Variants in PDGFC observed in about 807,000 individuals in gnomAD.
PDGFC encodes platelet derived growth factor C.
Under a neutral mutation model 35.5 loss-of-function variants are expected in PDGFC, and 12 were observed. The observed-to-expected ratio is 0.34, with a 90% CI of 0.22 to 0.55. PDGFC has a LOEUF of 0.55. PDGFC is among the 20% of genes least tolerant of loss of function. The pLI, the probability that PDGFC is intolerant of heterozygous loss-of-function variation, is 0.91. For missense variants in PDGFC, 322 were observed against 412.4 expected (o/e 0.78, Z 1.90); for synonymous variants, 159 against 148.8 (o/e 1.07, Z -0.50).
intron 3 of PDGFC, among the ~76,000 whole-genome samples, chr4:156,792,402 T>G (rs1358651488): frequency 6.7e-6 from 1 of 149,448 alleles, no homozygotes; most frequent in Non-Finnish European, 1.5e-5. Context: ...AATGTAAAAG[T>G]CACATTCCAC....
rs969225634 is a variant in PDGFC at position 156,901,732 on chromosome 4, C to T, written c.119-51316G>A. Among the ~76,000 whole-genome samples, 7 of 152,202 alleles carry T rather than the reference C, an allele frequency of 4.6e-5. No homozygotes were observed. The East Asian group carries it at 9.7e-4, about 21-fold the overall frequency. Reference sequence around the variant, plus strand: ...CCGCCTCCTGGGGTCAGGTGATTCTCGTGCCTCGGCCTCCTGAGGAGCTCG... The same window carrying T: ...CCGCCTCCTGGGGTCAGGTGATTCTTGTGCCTCGGCCTCCTGAGGAGCTCG... On this transcript the variant is annotated intron_variant, in intron 1 of 5. Transcript: ENST00000502773.
At chr4:156,773,478 G>A (rs1361675162) in intron 3 of PDGFC, among the ~76,000 whole-genome samples, 6 of 152,076 alleles carry the variant, frequency 3.9e-5, no homozygotes, top group South Asian at 2.1e-4. Context: ...TTAAGAGATC[G>A]GAGGGACACT....
At chr4:156,869,854 T>C (rs1361694204) in intron 1 of PDGFC, among the ~76,000 whole-genome samples, 3 of 152,142 alleles carry the variant, frequency 2.0e-5, no homozygotes. Flanking sequence ...ATGGTTTTTG[T>C]CACACACACA....
intron 1 of PDGFC, among the ~76,000 whole-genome samples, chr4:156,921,872 C>T (rs1409400371): frequency 6.6e-6 from 1 of 152,098 alleles, no homozygotes; most frequent in East Asian, 1.9e-4. Flanking sequence ...CAGCTATTCC[C>T]ACACTTCTCA....
At chr4:156,881,603 A>T (rs1389917736) in intron 1 of PDGFC, among the ~76,000 whole-genome samples, 1 of 152,100 alleles carries the variant, frequency 6.6e-6, no homozygotes, top group Non-Finnish European at 1.5e-5. Context: ...AGGCTGAGGC[A>T]GTGGATCGCC....
chr4:156,962,602 T>G (rs1196495743), intron 1 of PDGFC, among the ~76,000 whole-genome samples: 4 of 152,178 alleles, frequency 2.6e-5, no homozygotes, highest in Non-Finnish European at 5.9e-5. Flanking sequence ...CAGATGCTCA[T>G]ACATATTTGC....
chr4:156,922,456 C>T (rs755267118), intron 1 of PDGFC, among the ~76,000 whole-genome samples: 28 of 152,170 alleles, frequency 1.8e-4, no homozygotes, highest in Non-Finnish European at 3.4e-4. Context: ...TAGAAAGTAG[C>T]ATACAATTAA....
At chr4:156,930,618 G>A (rs1206901745) in intron 1 of PDGFC, among the ~76,000 whole-genome samples, 3 of 152,058 alleles carry the variant, frequency 2.0e-5, no homozygotes, top group Admixed American at 6.5e-5. Context: ...CTGTAATCCC[G>A]GCACTTTGGG....
At chr4:156,839,109 G>T (rs1242209241) in intron 2 of PDGFC, among the ~76,000 whole-genome samples, 1 of 152,194 alleles carries the variant, frequency 6.6e-6, no homozygotes. Flanking sequence ...GAAACATATG[G>T]CTACTTGAGA....
At chr4:156,836,960 C>T (rs1331378819) in intron 2 of PDGFC, among the ~76,000 whole-genome samples, 1 of 152,108 alleles carries the variant, frequency 6.6e-6, no homozygotes, top group African/African-American at 2.4e-5. Flanking sequence ...TAAAGATTGG[C>T]TTCTTTAGGA....
At chr4:156,841,113 G>A (rs185310024) in intron 2 of PDGFC, among the ~76,000 whole-genome samples, 9 of 150,988 alleles carry the variant, frequency 6.0e-5, no homozygotes, top group African/African-American at 2.2e-4. Context: ...AGTGATGACT[G>A]TGTTTTGAAA....
chr4:156,909,675 C>T (rs750705325), intron 1 of PDGFC, among the ~76,000 whole-genome samples: 143 of 152,104 alleles, frequency 9.4e-4, no homozygotes, highest in Non-Finnish European at 1.8e-3. Context: ...AGTGGGTTTT[C>T]TCTGAACAAT....
chr4:156,855,554 T>C (rs1397975286), intron 1 of PDGFC, among the ~76,000 whole-genome samples: 2 of 152,318 alleles, frequency 1.3e-5, no homozygotes, highest in African/African-American at 4.8e-5. Context: ...CTGTGACATT[T>C]TGGATGTATT....
chr4:156,825,604 A>C (rs1194701936), intron 2 of PDGFC, among the ~76,000 whole-genome samples: 1 of 116,742 alleles, frequency 8.6e-6, no homozygotes, highest in Admixed American at 8.3e-5. Flanking sequence ...AAGAAGAAGA[A>C]GAAGAAGAAG....
chr4:156,811,497 C>A (rs1731931234), intron 2 of PDGFC, among the ~76,000 whole-genome samples: 1 of 151,968 alleles, frequency 6.6e-6, no homozygotes, highest in South Asian at 2.1e-4. Flanking sequence ...ACGCATCTTT[C>A]GCACTTCACT....
chr4:156,898,353 A>C (rs1411017794), intron 1 of PDGFC, among the ~76,000 whole-genome samples: 1 of 152,196 alleles, frequency 6.6e-6, no homozygotes, highest in Non-Finnish European at 1.5e-5. Flanking sequence ...CCTCGAACAG[A>C]CTAAGGAAAA....
intron 1 of PDGFC, among the ~76,000 whole-genome samples, chr4:156,937,933 G>A (rs370235127): frequency 6.6e-6 from 1 of 151,632 alleles, no homozygotes; most frequent in African/African-American, 2.4e-5. Context: ...ACAAAACCAG[G>A]GACTAAAAAT....
intron 1 of PDGFC, among the ~76,000 whole-genome samples, chr4:156,968,336 C>A (rs1732514293): frequency 6.6e-6 from 1 of 152,076 alleles, no homozygotes; most frequent in Non-Finnish European, 1.5e-5. Flanking sequence ...CAAAACGATG[C>A]AATGCACAAA....
chr4:156,822,383 T>C (rs1051210437), intron 2 of PDGFC, among the ~76,000 whole-genome samples: 4 of 137,656 alleles, frequency 2.9e-5, no homozygotes, highest in African/African-American at 5.4e-5. Context: ...AAAAAGTGCA[T>C]AGTAATAAAT....
Sources: gnomAD v4.1 joint callset for allele counts (sites outside exome capture counted in the v4.1 genomes callset) on GRCh38, gnomAD v4.1.1 for gene constraint, MANE v1.5 for transcripts, NCBI Gene and HGNC (gene_info 2026-07-23, HGNC 2026-07-21) for gene names.